The following NTMT1 variants were observed in gnomAD, a reference collection of about 807,000 sequenced individuals.
NTMT1 encodes N-terminal Xaa-Pro-Lys N-methyltransferase 1.
A neutral mutation model predicts 17.5 loss-of-function variants in NTMT1; 8 were observed. The observed-to-expected ratio is 0.46, with a 90% CI of 0.27 to 0.82. The LOEUF is 0.82. Among genes scored for constraint, NTMT1 ranks in the 40% least tolerant of loss-of-function variants. The pLI, the probability that NTMT1 is intolerant of heterozygous loss-of-function variation, is 0.15. For synonymous variants in NTMT1, 128 were observed against 126.8 expected, an observed-to-expected ratio of 1.01 and a Z score of -0.06; for missense variants, 221 against 303.5, an observed-to-expected ratio of 0.73 and a Z score of 2.02.
chr9:129,634,383 G>A lies in NTMT1; in HGVS notation c.415+77G>A. 2.0e-6 allele frequency: 3 copies of A among 1,510,312 alleles called. No individual in the cohort carries two copies. In the South Asian group the frequency reaches 4.0e-5, roughly 20 times the overall value. The allele number at this position is 1,510,312 out of a possible 1,614,324, so 93.6% of individuals were successfully genotyped here. ...CGTTCCCCATAAGGTGTCAGGACCAGGGCTTTGCACTCCTGCAGCAAGTGG... is the reference window on the plus strand; with the variant it reads ...CGTTCCCCATAAGGTGTCAGGACCAAGGCTTTGCACTCCTGCAGCAAGTGG... On this transcript the variant is annotated intron_variant, in intron 3 of 3. Transcript: ENST00000372483.
upstream of NTMT1, among the ~76,000 whole-genome samples, chr9:129,624,574 C>G (rs968671767): frequency 4.6e-5 from 7 of 152,212 alleles, no homozygotes; most frequent in African/African-American, 1.7e-4. Context: ...AGAGCAAACA[C>G]ACTTTAAGCA....
chr9:129,635,105 C>A, intron 3 of NTMT1, 103 bp from the exon 4 acceptor site: 2 of 1,379,730 alleles, frequency 1.4e-6, no homozygotes, highest in Non-Finnish European at 2.0e-6. Context: ...ACACAAAATG[C>A]TGGGCACAAA....
chr9:129,612,181 T>C, intron 1 of NTMT1: 1 of 613,334 alleles, frequency 1.6e-6, no homozygotes. Flanking sequence ...ATCCCCTTCC[T>C]TCCAGGAACC....
chr9:129,616,816 C>T (rs532773497), intron 1 of NTMT1, among the ~76,000 whole-genome samples: 6 of 152,164 alleles, frequency 3.9e-5, no homozygotes, highest in African/African-American at 4.8e-5. Context: ...TGGTGGCTCA[C>T]GCCTGTAATC....
rs201305751 is a variant in NTMT1 at position 129,619,510 on chromosome 9, C to A, written c.-55+10332C>A. ...TCCACTACCCTACCCTTATCCCGCCCATCACTCACTGGTTGGCCTTTCTGA... is the reference window on the plus strand; with the variant it reads ...TCCACTACCCTACCCTTATCCCGCCAATCACTCACTGGTTGGCCTTTCTGA... On this transcript the variant is annotated intron_variant, in intron 1 of 3. Coordinates refer to the NTMT1 transcript ENST00000372486. 79 of 1,596,394 alleles carry A rather than the reference C, an allele frequency of 4.9e-5. No individual in the cohort carries two copies. In the Admixed American group the frequency reaches 5.0e-4, roughly 10 times the overall value.
At chr9:129,633,719 G>A in intron 2 of NTMT1, 1 of 219,636 alleles carries the variant, frequency 4.6e-6, no homozygotes, top group Non-Finnish European at 8.9e-6. Flanking sequence ...CCAGCTACTT[G>A]GGAGGCTGAG....
rs969491538 is a variant in NTMT1 at position 129,620,321 on chromosome 9, G to A, written c.-55+11143G>A. ...CTTCCGCACGGCCCGCCGGGTCGCG[G>A]TGAGCAAGGCGGGCAGGCGCGGCGG... On this transcript the variant is annotated intron_variant, in intron 1 of 3. Transcript: ENST00000372486. This position sits in a 1 kb window ranked among gnomAD's most constrained non-coding sequence, Gnocchi z 5.8. 2.4e-6 allele frequency: 3 copies of A among 1,237,852 alleles called. No individual in the cohort carries two copies. Among genetic ancestry groups the A allele is most frequent in the African/African-American group, 3.1e-5 (2 of 63,940 alleles). The allele number at this position is 1,237,852 out of a possible 1,614,324, so 76.7% of individuals were successfully genotyped here. A position where few individuals can be genotyped will look rare whatever the true frequency, so the allele number is the denominator to read the frequency against.
intron 3 of NTMT1, 124 bp from the exon 4 acceptor site, chr9:129,635,084 G>A (rs1831452245): frequency 1.8e-6 from 2 of 1,119,682 alleles, no homozygotes; most frequent in Non-Finnish European, 2.6e-6. Context: ...AGCCAATGAG[G>A]CCATGTGTGC....
chr9:129,635,147 C>T, intron 3 of NTMT1, 61 bp from the exon 4 acceptor site: 1 of 1,559,174 alleles, frequency 6.4e-7, no homozygotes, highest in Non-Finnish European at 8.7e-7. Flanking sequence ...GAAGTACATC[C>T]CATCCAGTGC....
At chr9:129,616,846 GC>G (rs1830413832) in intron 1 of NTMT1, among the ~76,000 whole-genome samples, 1 of 152,170 alleles carries the variant, frequency 6.6e-6, no homozygotes, top group South Asian at 2.1e-4. Flanking sequence ...TGGGAGGCAG[GC>G]AGATCAAAAG....
At chr9:129,611,520 C>A (rs1830115282) in intron 1 of NTMT1, among the ~76,000 whole-genome samples, 1 of 152,242 alleles carries the variant, frequency 6.6e-6, no homozygotes, top group Non-Finnish European at 1.5e-5. Context: ...GGTGCCAACC[C>A]TTCCGGGGAA....
intron 1 of NTMT1, among the ~76,000 whole-genome samples, chr9:129,611,346 A>C (rs1490650921): frequency 6.6e-6 from 1 of 152,192 alleles, no homozygotes; most frequent in Non-Finnish European, 1.5e-5. Flanking sequence ...AGGGGGCTGG[A>C]ACGCAGGTGT....
rs1252425430 is a variant in NTMT1, at chr9:129,635,504, G to A, written c.*40G>A. On this transcript the variant is annotated 3_prime_UTR_variant, in exon 4 of 4. Transcript: ENST00000372483. ...GAGAAACTGAGGAACCACAGTCCTG[G>A]TGGGGGGAGCTGGCAGCTGGGCAAG... 3 of 1,580,784 alleles carry A rather than the reference G, an allele frequency of 1.9e-6. No individual in the cohort carries two copies. The highest frequency in any genetic ancestry group is 1.7e-6 in the Non-Finnish European group (2 of 1,161,596).
At chr9:129,626,618 G>A (rs1009930034) in intron 1 of NTMT1, 4 of 152,344 alleles carry the variant, frequency 2.6e-5, no homozygotes, top group Non-Finnish European at 4.4e-5. Context: ...CCGAGAAACA[G>A]GGATATGGAG....
chr9:129,609,323 G>C (rs1179842376), intron 1 of NTMT1: 1 of 153,052 alleles, frequency 6.5e-6, no homozygotes, highest in African/African-American at 2.4e-5. Context: ...TCTGCCTTCT[G>C]CCTTGGGTCA....
intron 1 of NTMT1, among the ~76,000 whole-genome samples, chr9:129,617,428 G>A (rs942533172): frequency 1.2e-4 from 19 of 152,296 alleles, no homozygotes; most frequent in African/African-American, 4.1e-4. Context: ...ATCTTCACTC[G>A]AGGGCCACTG....
chr9:129,621,798 T>C (rs1284534323), upstream of NTMT1, among the ~76,000 whole-genome samples: 1 of 152,126 alleles, frequency 6.6e-6, no homozygotes, highest in Non-Finnish European at 1.5e-5. Context: ...TTGTCAGCTC[T>C]GAGCTGACTC....
intron 1 of NTMT1, chr9:129,615,766 G>T: frequency 1.8e-6 from 2 of 1,126,320 alleles, no homozygotes; most frequent in Non-Finnish European, 2.4e-6. Context: ...CTTGAAGAAT[G>T]GATAACGCCA....
At chr9:129,611,916 C>A (rs942343426) in intron 1 of NTMT1, among the ~76,000 whole-genome samples, 16 of 151,962 alleles carry the variant, frequency 1.1e-4, no homozygotes, top group Non-Finnish European at 1.5e-4. Context: ...CCACGCCCAG[C>A]TATTTTTTTT....
Sources: allele counts gnomAD v4.1 joint callset (sites outside exome capture counted in the v4.1 genomes callset), GRCh38; gene constraint gnomAD v4.1.1; non-coding constraint Gnocchi (gnomAD v3.1); transcripts MANE v1.5; gene names NCBI Gene and HGNC (gene_info 2026-07-23, HGNC 2026-07-21).